The following MAP4K3 variants were observed in gnomAD, a reference collection of about 807,000 sequenced individuals.
The protein encoded by MAP4K3 is mitogen-activated protein kinase kinase kinase kinase 3.
A neutral mutation model predicts 143.5 loss-of-function variants in MAP4K3; 94 were observed. That is an observed-to-expected ratio of 0.65 (90% confidence interval 0.55 to 0.78). The LOEUF is 0.78. MAP4K3 is among the 30% of genes least tolerant of loss of function. The pLI is 0.00. For missense variants in MAP4K3, 1,077 were observed against 1,068.1 expected (o/e 1.01, Z -0.12); for synonymous variants, 416 against 347.2 (o/e 1.20, Z -2.20).
chr2:39,309,521 T>C lies in MAP4K3; in HGVS notation c.998-2A>G. 3 of 911,774 alleles carry C rather than the reference T, an allele frequency of 3.3e-6. No homozygotes were observed. Among genetic ancestry groups the C allele is most frequent in the Non-Finnish European group, 5.0e-6 (3 of 598,878 alleles). 56.5% of individuals were successfully genotyped at this position (911,774 alleles called of 1,614,324 possible). Reference sequence around the variant, plus strand: ...GTGGATCAAATTTCACTTGGCCAACTAAAAAAGAAAAAAAAGTAAAACCAG... The same window carrying C: ...GTGGATCAAATTTCACTTGGCCAACCAAAAAAGAAAAAAAAGTAAAACCAG... On this transcript the variant is annotated splice_acceptor_variant, in intron 13 of 33. Coordinates refer to ENST00000263881, the MANE Select transcript of MAP4K3 (RefSeq NM_003618.4). LOFTEE classifies it high-confidence loss of function.
intron 27 of MAP4K3, among the ~76,000 whole-genome samples, chr2:39,266,943 C>A (rs539373994): frequency 6.6e-6 from 1 of 151,390 alleles, no homozygotes; most frequent in African/African-American, 2.4e-5. Context: ...CTCCATTTAC[C>A]TAGGCAATAA....
At chr2:39,436,419 G>A (rs73924018) in intron 1 of MAP4K3, among the ~76,000 whole-genome samples, 3,514 of 152,024 alleles carry the variant, frequency 0.023, 140 homozygotes, top group African/African-American at 0.078. Flanking sequence ...GATGGAGGTC[G>A]CTCAGCATAG....
In MAP4K3 at chr2:39,316,198, TAC is replaced by T. The variant is rs763868190; in HGVS notation, c.919-812_919-811del. 1.7e-3 allele frequency among the ~76,000 whole-genome samples: 252 copies of T among 152,138 alleles called. 1 individual carries two copies. The highest frequency in any genetic ancestry group is 3.0e-3 in the Non-Finnish European group (206 of 67,990). ...AGAAGATTCACACCTTGAAATTATT[TAC>T]AGAGTCTAACTAATTAAATGTGATC... On this transcript the variant is annotated intron_variant, in intron 12 of 33. Coordinates refer to ENST00000263881, the MANE Select transcript of MAP4K3 (RefSeq NM_003618.4).
chr2:39,310,024 G>A (rs537465923), intron 13 of MAP4K3, among the ~76,000 whole-genome samples: 1 of 152,100 alleles, frequency 6.6e-6, no homozygotes, highest in South Asian at 2.1e-4. Flanking sequence ...TGGTATATGC[G>A]ATATTTTGAT....
intron 3 of MAP4K3, among the ~76,000 whole-genome samples, chr2:39,344,277 T>C (rs777091084): frequency 2.2e-4 from 33 of 152,138 alleles, no homozygotes; most frequent in Non-Finnish European, 4.4e-4. Context: ...GTCAGGAAAA[T>C]ATGGCCAGCG....
chr2:39,356,619 G>C (rs1245161098), intron 2 of MAP4K3, among the ~76,000 whole-genome samples: 3 of 152,076 alleles, frequency 2.0e-5, no homozygotes, highest in Non-Finnish European at 4.4e-5. Context: ...GTGAGTTTGG[G>C]TAAATTATTT....
At chr2:39,373,443 C>G (rs1450178483) in intron 2 of MAP4K3, among the ~76,000 whole-genome samples, 1 of 152,122 alleles carries the variant, frequency 6.6e-6, no homozygotes, top group Admixed American at 6.5e-5. Context: ...TAGATACATA[C>G]TCAAAAGAAA....
chr2:39,258,473 TA>T (rs767095918), intron 30 of MAP4K3, 33 bp from the exon 31 acceptor site: 5 of 1,601,254 alleles, frequency 3.1e-6, no homozygotes, highest in Non-Finnish European at 4.3e-6. Context: ...GAAACTAAGA[TA>T]AAAGAAGTCT....
In MAP4K3 at chr2:39,325,577, C is replaced by G; in HGVS notation, c.859G>C (p.Asp287His). Residue 287 changes from aspartate to histidine, a missense_variant, in exon 12 of 34, where the codon GAT (aspartate) becomes CAT (histidine). Transcript: ENST00000263881. ...LTRSLAIELL[D>H]KVNNPDHSTY... is the part of the protein sequence containing the mutation. The stretch of plus-strand genomic sequence containing the variant: ...GAATGATCTGGATTATTTACTTTAT[C>G]CAACAGCTCGATTGCCAAAGACCGT... 6.2e-7 allele frequency: 1 copy of G among 1,613,180 alleles called. No individual in the cohort carries two copies.
At chr2:39,343,475 T>C (rs1334755206) in intron 3 of MAP4K3, 23 bp from the exon 4 acceptor site, 1 of 1,600,684 alleles carries the variant, frequency 6.2e-7, no homozygotes, top group African/African-American at 1.3e-5. Context: ...AAGAAGCATG[T>C]ATCATATTTT....
chr2:39,319,315 G>A (rs1213057420), intron 12 of MAP4K3, among the ~76,000 whole-genome samples: 1 of 151,792 alleles, frequency 6.6e-6, no homozygotes, highest in Admixed American at 6.6e-5. Context: ...AGGAAATACG[G>A]AAACTAAAAC....
At chr2:39,404,261 C>A (rs977171681) in intron 1 of MAP4K3, among the ~76,000 whole-genome samples, 2 of 152,148 alleles carry the variant, frequency 1.3e-5, no homozygotes, top group African/African-American at 4.8e-5. Flanking sequence ...TGGGGTAGAG[C>A]ACCAAGTGGA....
rs1682102962 is a variant in MAP4K3 at position 39,292,794 on chromosome 2, C to T, written c.1250G>A (p.Gly417Glu). Residue 417 changes from glycine to glutamate, a missense_variant, in exon 18 of 34, where the codon GGA (glycine) becomes GAA (glutamate). Around this residue, in one of 2 missense-constraint regions of MAP4K3, gnomAD observed 864 missense variants for 801.2 expected, o/e 1.08. Coordinates refer to ENST00000263881, the MANE Select transcript of MAP4K3 (RefSeq NM_003618.4). ...GHVAHLEDDEGDDDESKHSTL... is the reference protein window; with the variant it reads ...GHVAHLEDDEEDDDESKHSTL... Reference sequence around the variant, plus strand: ...TTACTGTTTAGATTCATCATCATCTCCTTCATCATCTTCTAAATGTGCGAC... The same window carrying T: ...TTACTGTTTAGATTCATCATCATCTTCTTCATCATCTTCTAAATGTGCGAC... The T allele has an allele frequency of 6.2e-7, 1 of 1,613,238 alleles. No individual in the cohort carries two copies. The highest frequency in any genetic ancestry group is 1.3e-5 in the African/African-American group (1 of 74,862).
intron 21 of MAP4K3, 98 bp from the exon 22 acceptor site, chr2:39,282,652 T>C (rs1357593912): frequency 1.2e-6 from 1 of 805,818 alleles, no homozygotes; most frequent in Non-Finnish European, 2.0e-6. Context: ...AATACATGAA[T>C]ACATTCTTTG....
intron 2 of MAP4K3, among the ~76,000 whole-genome samples, chr2:39,371,610 A>G (rs1666082973): frequency 2.0e-5 from 3 of 152,228 alleles, no homozygotes; most frequent in Non-Finnish European, 4.4e-5. Flanking sequence ...GGATAAGAAA[A>G]TAAGGCCCAA....
chr2:39,381,659 T>C, intron 1 of MAP4K3, among the ~76,000 whole-genome samples: 1 of 152,234 alleles, frequency 6.6e-6, no homozygotes, highest in East Asian at 1.9e-4. Context: ...TTTTATACTG[T>C]GTCAGATAGG....
chr2:39,253,217 C>T (rs757006526), intron 32 of MAP4K3, among the ~76,000 whole-genome samples: 14 of 152,132 alleles, frequency 9.2e-5, no homozygotes, highest in African/African-American at 2.9e-4. Flanking sequence ...CTGGAACCTC[C>T]GCCTCCTGGG....
rs558622302 is a variant in MAP4K3 at position 39,403,180 on chromosome 2, G to A, written c.97-25057C>T. ...GAAAAGAATACTTCTCAAGATAGGG[G>A]CAGAGCAAGAGGGCCGAACAGGACT... is the stretch of plus-strand genomic sequence containing the variant. On this transcript the variant is annotated intron_variant, in intron 1 of 33. Coordinates refer to ENST00000263881, the MANE Select transcript of MAP4K3 (RefSeq NM_003618.4). 8.9e-4 allele frequency among the ~76,000 whole-genome samples: 136 copies of A among 152,226 alleles called. 1 individual carries two copies. The highest frequency in any genetic ancestry group is 3.0e-3 in the African/African-American group (125 of 41,534).
At chr2:39,351,926 C>G (rs1347586777) in intron 3 of MAP4K3, among the ~76,000 whole-genome samples, 5 of 152,218 alleles carry the variant, frequency 3.3e-5, no homozygotes, top group African/African-American at 4.8e-5. Context: ...CTGCCTCAGC[C>G]TCCCAAATTG....
Sources: gnomAD v4.1 joint callset for allele counts (sites outside exome capture counted in the v4.1 genomes callset) on GRCh38, gnomAD v4.1.1 for gene constraint, gnomAD v4.1.1 regional missense constraint, MANE v1.5 for transcripts, NCBI Gene and HGNC (gene_info 2026-07-23, HGNC 2026-07-21) for gene names.